ZFHX3: variants seen among roughly 807,000 people sequenced by gnomAD.
ZFHX3 encodes zinc finger homeobox 3, also known as zinc finger homeobox protein 3.
ZFHX3 carries 42 observed loss-of-function variants against 279.1 expected under a neutral mutation model. The observed-to-expected ratio is 0.15, with a 90% CI of 0.12 to 0.19. The LOEUF (loss-of-function observed/expected upper bound fraction) is 0.19, where lower values mean the gene tolerates loss of function less well. ZFHX3 is among the 10% of genes least tolerant of loss of function. The pLI, the probability that ZFHX3 is intolerant of heterozygous loss-of-function variation, is 1.00. For missense variants in ZFHX3, 4,981 were observed against 4,754.0 expected, an observed-to-expected ratio of 1.05 and a Z score of -1.40; for synonymous variants, 2,293 against 1,957.8, an observed-to-expected ratio of 1.17 and a Z score of -4.52.
chr16:73,642,018 C>A (rs2052577521), intron 2 of ZFHX3, among the ~76,000 whole-genome samples: 1 of 151,982 alleles, frequency 6.6e-6, no homozygotes. Context: ...ATACTGAATT[C>A]AGGCAGTGTG....
Position 73,521,089 on chromosome 16 carries a change from C to T in ZFHX3, c.-1546-64831G>A, listed in dbSNP as rs190121260. On this transcript the variant is annotated intron_variant, in intron 2 of 17. Coordinates refer to the ZFHX3 transcript ENST00000641206. Reference sequence around the variant, plus strand: ...AATCAAAACAAATGAACGAAAAAATCTCAAATAGCCACCTGATTTTTAAGG... The same window carrying T: ...AATCAAAACAAATGAACGAAAAAATTTCAAATAGCCACCTGATTTTTAAGG... Among the ~76,000 whole-genome samples the T allele has an allele frequency of 1.2e-3, 186 of 152,266 alleles. 1 individual carries two copies. Among genetic ancestry groups the T allele is most frequent in the African/African-American group, 4.2e-3 (175 of 41,560 alleles).
At chr16:73,603,222 T>G (rs944954222) in intron 2 of ZFHX3, among the ~76,000 whole-genome samples, 4 of 150,564 alleles carry the variant, frequency 2.7e-5, no homozygotes, top group African/African-American at 9.8e-5. Flanking sequence ...GAGGTGGAGC[T>G]TGCAGTGAGC....
chr16:73,890,538 A>G (rs2030500322), intron 1 of ZFHX3, among the ~76,000 whole-genome samples: 2 of 152,142 alleles, frequency 1.3e-5, no homozygotes, highest in Admixed American at 1.3e-4. Context: ...CTAGTGAAAG[A>G]TTCGGTTTTT....
chr16:73,653,244 A>G (rs1012042946), intron 2 of ZFHX3, among the ~76,000 whole-genome samples: 6 of 152,196 alleles, frequency 3.9e-5, no homozygotes, highest in Non-Finnish European at 8.8e-5. Context: ...ACTTGACCTA[A>G]TAACCTGTGT....
chr16:73,827,464 CT>C (rs1298864358), intron 1 of ZFHX3, among the ~76,000 whole-genome samples: 3 of 3,830 alleles, frequency 7.8e-4, no homozygotes, highest in Non-Finnish European at 2.3e-3. Flanking sequence ...TGTGTTTGCT[CT>C]TGCTTTTCTA....
At chr16:73,078,151 AAGGAGAAAGAC>A (rs1965906958) in intron 8 of ZFHX3, among the ~76,000 whole-genome samples, 2 of 152,206 alleles carry the variant, frequency 1.3e-5, no homozygotes, top group African/African-American at 4.8e-5. Flanking sequence ...CTAGGCAGCA[AAGGAGAAAGAC>A]AGGAGAAAAA....
intron 1 of ZFHX3, among the ~76,000 whole-genome samples, chr16:73,886,304 GA>G (rs374869516): frequency 5.4e-5 from 8 of 148,558 alleles, no homozygotes; most frequent in South Asian, 4.3e-4. Context: ...TTTTAAGAGG[GA>G]AAAAAAAACA....
intron 3 of ZFHX3, among the ~76,000 whole-genome samples, chr16:73,407,514 A>T (rs1286978701): frequency 6.6e-6 from 1 of 152,182 alleles, no homozygotes; most frequent in East Asian, 1.9e-4. Context: ...GGTTGGAGAA[A>T]TGGAGGTACA....
chr16:73,145,591 C>T (rs1394142775), intron 5 of ZFHX3, among the ~76,000 whole-genome samples: 2 of 152,210 alleles, frequency 1.3e-5, no homozygotes, highest in African/African-American at 2.4e-5. Flanking sequence ...CCTGCAGAGC[C>T]GCTTATTGAT....
At chr16:73,210,674 A>C (rs2011979300) in intron 5 of ZFHX3, among the ~76,000 whole-genome samples, 1 of 152,224 alleles carries the variant, frequency 6.6e-6, no homozygotes, top group Non-Finnish European at 1.5e-5. Context: ...TGTAGCATAC[A>C]GAACAAGGTT....
intron 4 of ZFHX3, among the ~76,000 whole-genome samples, chr16:73,270,595 G>C (rs1210972911): frequency 6.6e-6 from 1 of 152,186 alleles, no homozygotes; most frequent in African/African-American, 2.4e-5. Flanking sequence ...GTTTGTGCCT[G>C]TCTAGTGGGA....
At chr16:73,773,168 A>G (rs328361) in intron 1 of ZFHX3, among the ~76,000 whole-genome samples, 5,878 of 152,340 alleles carry the variant, frequency 0.039, 295 homozygotes, top group African/African-American at 0.11. Context: ...TTCACTAGCT[A>G]CATCTCAAAT....
intron 3 of ZFHX3, among the ~76,000 whole-genome samples, chr16:72,893,612 A>G (rs188634037): frequency 2.0e-5 from 3 of 152,336 alleles, no homozygotes; most frequent in African/African-American, 4.8e-5. Context: ...GTAAACTACA[A>G]TCTCTTACAC....
chr16:72,986,655 T>C (rs1039255398), intron 1 of ZFHX3, among the ~76,000 whole-genome samples: 9 of 152,210 alleles, frequency 5.9e-5, no homozygotes, highest in South Asian at 2.1e-4. Flanking sequence ...TCTCCAATGC[T>C]GTCACCTCAT....
At chr16:73,279,372 C>T (rs1041928690) in intron 4 of ZFHX3, among the ~76,000 whole-genome samples, 1 of 151,882 alleles carries the variant, frequency 6.6e-6, no homozygotes, top group Non-Finnish European at 1.5e-5. Context: ...AGTGTATTTA[C>T]GTTTTATCAT....
intron 2 of ZFHX3, chr16:73,543,874 G>A (rs2020060562): frequency 6.8e-6 from 1 of 146,620 alleles, no homozygotes; most frequent in Non-Finnish European, 1.5e-5. Flanking sequence ...GGGAGAGAGA[G>A]AGCGAGAGAG....
rs1960358977 is a variant in ZFHX3, at chr16:73,809,051, T to C, written c.-1608+82600A>G. Among the ~76,000 whole-genome samples, 3 of 152,242 alleles carry C rather than the reference T, an allele frequency of 2.0e-5. 1 individual carries two copies. The Middle Eastern group carries it at 0.01, about 518-fold the overall frequency. ...TCTGTAATGCATTTGTAATAAGCAA[T>C]AAGTGCAATGTTTCCTAAAAGCAGG... is the stretch of plus-strand genomic sequence containing the variant. On this transcript the variant is annotated intron_variant, in intron 1 of 17. Coordinates refer to the ZFHX3 transcript ENST00000641206.
At chr16:72,901,134 A>ATT (rs2039023190) in intron 3 of ZFHX3, among the ~76,000 whole-genome samples, 1 of 152,046 alleles carries the variant, frequency 6.6e-6, no homozygotes, top group South Asian at 2.1e-4. Flanking sequence ...GCACTCGAAA[A>ATT]TTTCCCAGGG....
intron 2 of ZFHX3, among the ~76,000 whole-genome samples, chr16:73,459,733 T>C (rs962396144): frequency 6.6e-6 from 1 of 152,072 alleles, no homozygotes; most frequent in Non-Finnish European, 1.5e-5. Flanking sequence ...CTTACAATCA[T>C]GGCAGGAGAT....
Sources: allele counts gnomAD v4.1 joint callset (sites outside exome capture counted in the v4.1 genomes callset), GRCh38; gene constraint gnomAD v4.1.1; transcripts MANE v1.5; gene names NCBI Gene and HGNC (gene_info 2026-07-23, HGNC 2026-07-21).